N4BP1: variants seen among roughly 807,000 people sequenced by gnomAD.
The protein encoded by N4BP1 is NEDD4 binding protein 1.
Under a neutral mutation model 70.9 loss-of-function variants are expected in N4BP1, and 21 were observed. The ratio of observed to expected loss-of-function variants is 0.30; its 90% CI spans 0.21 to 0.43. The LOEUF is 0.43. Among genes scored for constraint, N4BP1 ranks in the 20% least tolerant of loss-of-function variants. The pLI is 1.00. For synonymous variants in N4BP1, 387 were observed against 394.6 expected (o/e 0.98, Z 0.23); for missense variants, 936 against 1,069.4 (o/e 0.88, Z 1.74).
At chr16:48,607,965 G>A (rs1243758359) in intron 1 of N4BP1, among the ~76,000 whole-genome samples, 4 of 152,168 alleles carry the variant, frequency 2.6e-5, no homozygotes, top group Non-Finnish European at 4.4e-5. Flanking sequence ...GGGTTCAAGC[G>A]ATTATCCTGC....
In N4BP1 at chr16:48,542,836, C is replaced by G; in HGVS notation, c.*68G>C. 7.7e-7 allele frequency: 1 copy of G among 1,296,454 alleles called. No homozygotes were observed. The highest frequency in any genetic ancestry group is 1.1e-6 in the Non-Finnish European group (1 of 937,638). 80.3% of individuals were successfully genotyped at this position (1,296,454 alleles called of 1,614,324 possible). A position where few individuals can be genotyped will look rare whatever the true frequency, so the allele number is the denominator to read the frequency against. On this transcript the variant is annotated 3_prime_UTR_variant, in exon 7 of 7. Transcript: ENST00000262384. ...TTCTTCACATTATGTTCATTCCCAT[C>G]AGGTACAGGTGTGAGCTTGAGTTTG...
At chr16:48,567,159 CCTGT>C (rs1219937032) in intron 1 of N4BP1, among the ~76,000 whole-genome samples, 19 of 152,138 alleles carry the variant, frequency 1.2e-4, no homozygotes, top group Non-Finnish European at 2.5e-4. Flanking sequence ...ACTGACGGTG[CCTGT>C]CTTTTAATTG....
rs150724164 is a variant in N4BP1 at position 48,554,710 on chromosome 16, T to C, written c.1890-1041A>G. Among the ~76,000 whole-genome samples the C allele has an allele frequency of 5.2e-5, 8 of 152,384 alleles. No homozygotes were observed. The East Asian group carries it at 1.5e-3, about 29-fold the overall frequency. On this transcript the variant is annotated intron_variant, in intron 2 of 6. Transcript: ENST00000262384. Reference sequence around the variant, plus strand: ...AGTCCTATCTTCTCTCCATGTCTAATGCTGCATGCCAAAACTGCTCTGTAG... The same window carrying C: ...AGTCCTATCTTCTCTCCATGTCTAACGCTGCATGCCAAAACTGCTCTGTAG...
chr16:48,571,958 G>A (rs959682428), intron 1 of N4BP1, among the ~76,000 whole-genome samples: 1 of 152,178 alleles, frequency 6.6e-6, no homozygotes, highest in African/African-American at 2.4e-5. Flanking sequence ...CATCACTTTT[G>A]GAGGCTGAGG....
chr16:48,573,347 T>C (rs1009349469), intron 1 of N4BP1, among the ~76,000 whole-genome samples: 1 of 152,094 alleles, frequency 6.6e-6, no homozygotes, highest in African/African-American at 2.4e-5. Context: ...AAACCAGCAC[T>C]TTGGGAGGCC....
intron 2 of N4BP1, among the ~76,000 whole-genome samples, chr16:48,555,960 T>C (rs1288435236): frequency 1.3e-5 from 2 of 152,204 alleles, no homozygotes; most frequent in East Asian, 1.9e-4. Flanking sequence ...CTTCTAGTGA[T>C]GGCAAGAGGA....
intron 1 of N4BP1, among the ~76,000 whole-genome samples, chr16:48,602,389 C>T (rs1359144744): frequency 1.3e-5 from 2 of 152,142 alleles, no homozygotes; most frequent in African/African-American, 4.8e-5. Context: ...AAAAAGCCAA[C>T]ATAGATCAAA....
At chr16:48,570,334 G>A (rs1963998090) in intron 1 of N4BP1, among the ~76,000 whole-genome samples, 1 of 152,128 alleles carries the variant, frequency 6.6e-6, no homozygotes, top group African/African-American at 2.4e-5. Context: ...ACTCACTGCT[G>A]GTTTGGTGAT....
At chr16:48,552,295 AC>A (rs1397511491) in intron 3 of N4BP1, among the ~76,000 whole-genome samples, 1 of 151,998 alleles carries the variant, frequency 6.6e-6, no homozygotes, top group Non-Finnish European at 1.5e-5. Flanking sequence ...ATTTTAGAAA[AC>A]CAGTAATGGG....
rs1455155160 is a variant in N4BP1, at chr16:48,542,628, T to G, written c.*276A>C. 9.4e-6 allele frequency: 3 copies of G among 319,372 alleles called. No individual in the cohort carries two copies. Among genetic ancestry groups the G allele is most frequent in the African/African-American group, 2.1e-5 (1 of 46,920 alleles). 19.8% of individuals were successfully genotyped at this position (319,372 alleles called of 1,614,324 possible). A position where few individuals can be genotyped will look rare whatever the true frequency, so the allele number is the denominator to read the frequency against. ...AAAAAACATAAAAAGGTAAATACAC[T>G]CAAGAGTAACTGCTATTAAACAGTT... is the stretch of plus-strand genomic sequence containing the variant. On this transcript the variant is annotated 3_prime_UTR_variant, in exon 7 of 7. Coordinates refer to ENST00000262384, the MANE Select transcript of N4BP1 (RefSeq NM_153029.4).
At chr16:48,584,068 G>T (rs1233848222) in intron 1 of N4BP1, among the ~76,000 whole-genome samples, 1 of 152,168 alleles carries the variant, frequency 6.6e-6, no homozygotes, top group East Asian at 1.9e-4. Flanking sequence ...GAGACCAGTG[G>T]ATACAAATCA....
intron 2 of N4BP1, among the ~76,000 whole-genome samples, chr16:48,555,123 G>A (rs1963731182): frequency 6.6e-6 from 1 of 152,188 alleles, no homozygotes; most frequent in Admixed American, 6.5e-5. Flanking sequence ...TGAATGGGCT[G>A]AATTCTGGCC....
At chr16:48,557,141 G>T (rs746439306) in intron 2 of N4BP1, among the ~76,000 whole-genome samples, 1 of 152,164 alleles carries the variant, frequency 6.6e-6, no homozygotes, top group Non-Finnish European at 1.5e-5. Context: ...ATAGGCAAAT[G>T]AACAAAGGCT....
intron 1 of N4BP1, among the ~76,000 whole-genome samples, chr16:48,567,026 T>C (rs972823015): frequency 6.6e-6 from 1 of 152,240 alleles, no homozygotes; most frequent in Non-Finnish European, 1.5e-5. Context: ...ACAATCCAGC[T>C]TTCTTTTAAA....
rs1247647879 is a variant in N4BP1 at position 48,609,925 on chromosome 16, CT to C, written c.47del (p.Lys16ArgfsTer18). ...CGCGGCTCTGCTCCAGCAGCTCCGC[CT>C]TCTCAGCTGGCGCAGTGAACTCGTC... The part of the protein sequence containing the change: ...VLDEFTAPAE[K>X]AELLEQSRGR... On this transcript the variant is annotated frameshift_variant, in exon 1 of 7. Coordinates refer to ENST00000262384, the MANE Select transcript of N4BP1 (RefSeq NM_153029.4). LOFTEE classifies it high-confidence loss of function. 7.0e-7 allele frequency: 1 copy of C among 1,432,014 alleles called. No homozygotes were observed. The allele number at this position is 1,432,014 out of a possible 1,614,324, so 88.7% of individuals were successfully genotyped here. A position where few individuals can be genotyped will look rare whatever the true frequency, so the allele number is the denominator to read the frequency against.
chr16:48,558,293 CAAAA>C (rs57285875), intron 2 of N4BP1, among the ~76,000 whole-genome samples: 3 of 98,262 alleles, frequency 3.1e-5, no homozygotes, highest in Non-Finnish European at 4.5e-5. Context: ...ATCAGTTTTC[CAAAA>C]AAAAAAAAAA....
intron 2 of N4BP1, among the ~76,000 whole-genome samples, chr16:48,558,761 A>C (rs1336633514): frequency 2.0e-5 from 3 of 152,188 alleles, no homozygotes; most frequent in Non-Finnish European, 4.4e-5. Context: ...GGGTGACTGA[A>C]GTGACATTTT....
In N4BP1 at chr16:48,543,105, G is replaced by C; in HGVS notation, c.2490C>G (p.Phe830Leu). Residue 830 changes from phenylalanine to leucine, a missense_variant, in exon 7 of 7, where the codon TTC (phenylalanine) becomes TTG (leucine). Physicochemically the swap from Phe to Leu is conservative, Grantham distance 22. Transcript: ENST00000262384. ...SSHWLPQQPHFPLLPALPSLQ... is the reference protein window; with the variant it reads ...SSHWLPQQPHLPLLPALPSLQ... ...GACTGGGGAGGGCTGGCAGCAGTGG[G>C]AAGTGGGGCTGCTGAGGGAGCCAGT... The C allele has an allele frequency of 6.2e-7, 1 of 1,613,310 alleles. No homozygotes were observed. The highest frequency in any genetic ancestry group is 2.2e-5 in the East Asian group (1 of 44,862).
rs537036559 is a variant in N4BP1 at position 48,561,175 on chromosome 16, C to T, written c.1468G>A (p.Asp490Asn). 3.1e-6 allele frequency: 5 copies of T among 1,614,032 alleles called. No individual in the cohort carries two copies. In the South Asian group the frequency reaches 5.5e-5, roughly 18 times the overall value. ...GAGGCAACAGAAGGTGAAAGGCCAT[C>T]AGTTTCAGGGTCTGTGTTACAAATG... ...NYICNTDPET[D>N]GLSPSVASPS... is the part of the protein sequence containing the mutation. The change falls in exon 2 of 7, where the codon GAT (aspartate) becomes AAT (asparagine). Residue 490 changes from aspartate to asparagine, a missense_variant. Asp to Asn is a conservative substitution (Grantham distance 23). Around this residue, in one of 4 missense-constraint regions of N4BP1, gnomAD observed 515 missense variants for 491.7 expected, o/e 1.05. Transcript: ENST00000262384.
Sources: allele counts gnomAD v4.1 joint callset (sites outside exome capture counted in the v4.1 genomes callset), GRCh38; gene constraint gnomAD v4.1.1; regional missense constraint gnomAD v4.1.1; transcripts MANE v1.5; gene names NCBI Gene and HGNC (gene_info 2026-07-23, HGNC 2026-07-21).